EIF4G3: variants seen among roughly 807,000 people sequenced by gnomAD.
EIF4G3 encodes the protein eukaryotic translation initiation factor 4 gamma 3, also known as eIF-4-gamma 3.
A neutral mutation model predicts 186.4 loss-of-function variants in EIF4G3; 34 were observed. The observed-to-expected ratio is 0.18, with a 90% CI of 0.14 to 0.24. The LOEUF is 0.24. EIF4G3 is among the 10% of genes least tolerant of loss of function. The probability of loss-of-function intolerance (pLI) is 1.00; values close to 1 mark genes in which losing one functional copy is unlikely to be tolerated. For missense variants in EIF4G3, 1,536 were observed against 1,948.5 expected (o/e 0.79, Z 3.99); for synonymous variants, 673 against 679.5 (o/e 0.99, Z 0.15).
intron 4 of EIF4G3, among the ~76,000 whole-genome samples, chr1:21,048,704 G>A (rs2094033758): frequency 6.6e-6 from 1 of 152,054 alleles, no homozygotes; most frequent in South Asian, 2.1e-4. Context: ...CACCCTAGAG[G>A]GCAGAATTCT....
intron 14 of EIF4G3, among the ~76,000 whole-genome samples, chr1:20,915,576 A>G (rs2093772168): frequency 6.6e-6 from 1 of 152,244 alleles, no homozygotes; most frequent in Admixed American, 6.5e-5. Context: ...TTTAATATTC[A>G]AATGTCAAAT....
chr1:21,176,252 C>CGCT lies in EIF4G3; in HGVS notation c.-350_-349insAGC. ...CCGCTGCCGCCGCCGCCGCCGCCGC[C>CGCT]GCCGCCGCCGCCGCTGCTGCCGCCG... On this transcript the variant is annotated 5_prime_UTR_variant, in exon 2 of 37. Transcript: ENST00000602326. The CGCT allele has an allele frequency of 2.6e-6, 1 of 377,762 alleles. No homozygotes were observed. Among genetic ancestry groups the CGCT allele is most frequent in the East Asian group, 4.4e-5 (1 of 22,630 alleles). 23.4% of individuals were successfully genotyped at this position (377,762 alleles called of 1,614,324 possible). A position where few individuals can be genotyped will look rare whatever the true frequency, so the allele number is the denominator to read the frequency against.
chr1:20,925,872 T>C (rs2094848910), intron 14 of EIF4G3, among the ~76,000 whole-genome samples: 1 of 152,212 alleles, frequency 6.6e-6, no homozygotes, highest in African/African-American at 2.4e-5. Flanking sequence ...ATTAAGGTGA[T>C]TCCGAGGTTA....
intron 2 of EIF4G3, chr1:21,161,923 G>C (rs1016052604): frequency 6.7e-6 from 1 of 150,292 alleles, no homozygotes; most frequent in Non-Finnish European, 1.5e-5. Context: ...AGCCGAGATC[G>C]CACCATTGCA....
intron 2 of EIF4G3, among the ~76,000 whole-genome samples, chr1:21,173,565 G>GT (rs1437866122): frequency 1.3e-5 from 2 of 152,082 alleles, no homozygotes; most frequent in African/African-American, 4.8e-5. Context: ...GCACACGCCT[G>GT]TAATCCCAGC....
At chr1:20,890,703 G>A (rs909409653) in intron 18 of EIF4G3, among the ~76,000 whole-genome samples, 5 of 151,578 alleles carry the variant, frequency 3.3e-5, no homozygotes, top group Non-Finnish European at 7.4e-5. Flanking sequence ...CAATCCACCC[G>A]CTTTGGCCTC....
In EIF4G3 at chr1:21,044,523, C is replaced by G. The variant is rs561202283; in HGVS notation, c.-67+6343G>C. Among the ~76,000 whole-genome samples, 3 of 151,830 alleles carry G rather than the reference C, an allele frequency of 2.0e-5. No homozygotes were observed. In the South Asian group the frequency reaches 6.2e-4, roughly 32 times the overall value. ...AAGCAAATTTTCACAGCTTCCTCTA[C>G]TTTATCATGGTTAACAAGTGTGCAT... On this transcript the variant is annotated intron_variant, in intron 4 of 36. Coordinates refer to ENST00000602326, the MANE Select transcript of EIF4G3 (RefSeq NM_001391906.1).
intron 2 of EIF4G3, among the ~76,000 whole-genome samples, chr1:21,129,443 T>G (rs753372742): frequency 5.3e-5 from 8 of 152,156 alleles, no homozygotes; most frequent in Admixed American, 1.3e-4. Context: ...TGCAAGTTCT[T>G]CACTACAAAT....
intron 3 of EIF4G3, among the ~76,000 whole-genome samples, chr1:21,054,296 C>A (rs1217247477): frequency 6.9e-5 from 10 of 144,332 alleles, no homozygotes; most frequent in Admixed American, 2.1e-4. Flanking sequence ...GTCATCACCA[C>A]TCCCTAATCT....
intron 7 of EIF4G3, among the ~76,000 whole-genome samples, chr1:20,993,602 T>C (rs562893890): frequency 1.3e-5 from 2 of 152,216 alleles, no homozygotes; most frequent in African/African-American, 4.8e-5. Flanking sequence ...AAAAACATCA[T>C]CCAACAACAA....
chr1:20,916,769 C>A (rs1433582861), intron 14 of EIF4G3, among the ~76,000 whole-genome samples: 1 of 151,476 alleles, frequency 6.6e-6, no homozygotes, highest in African/African-American at 2.4e-5. Context: ...ACAACCGGAT[C>A]AATTGAAAAA....
intron 6 of EIF4G3, chr1:20,998,832 C>T (rs1370948952): frequency 2.4e-6 from 1 of 423,680 alleles, no homozygotes; most frequent in Non-Finnish European, 4.7e-6. Context: ...TAATGTAAAC[C>T]ATATACAGGG....
At chr1:21,080,317 A>G (rs998317577) in intron 3 of EIF4G3, among the ~76,000 whole-genome samples, 5 of 128,152 alleles carry the variant, frequency 3.9e-5, no homozygotes, top group Non-Finnish European at 9.0e-5. Context: ...CACTGTCTCA[A>G]CAAAAAAAAA....
Position 20,855,085 on chromosome 1 carries a change from G to C in EIF4G3, c.3340-14C>G, listed in dbSNP as rs2074481714. On this transcript the variant is annotated splice_polypyrimidine_tract_variant and intron_variant, in intron 25 of 36. Coordinates refer to ENST00000602326, the MANE Select transcript of EIF4G3 (RefSeq NM_001391906.1). ...ATCAATTGTAGGCTGTAACATAAGG[G>C]ACCACAAGTCAATTATAGGAAATAT... is the stretch of plus-strand genomic sequence containing the variant. 2 of 1,567,374 alleles carry C rather than the reference G, an allele frequency of 1.3e-6. No individual in the cohort carries two copies. The highest frequency in any genetic ancestry group is 1.4e-5 in the African/African-American group (1 of 73,458).
intron 14 of EIF4G3, among the ~76,000 whole-genome samples, chr1:20,915,406 C>A (rs1357530476): frequency 6.6e-6 from 1 of 151,816 alleles, no homozygotes; most frequent in East Asian, 1.9e-4. Flanking sequence ...ACATGACAAT[C>A]ACCAGAAAAC....
intron 10 of EIF4G3, among the ~76,000 whole-genome samples, 164 bp from the exon 11 acceptor site, chr1:20,973,263 G>A (rs1021618862): frequency 1.3e-5 from 2 of 152,224 alleles, no homozygotes; most frequent in African/African-American, 2.4e-5. Flanking sequence ...AGTTACTGAA[G>A]TGGTCAAGAA....
intron 2 of EIF4G3, among the ~76,000 whole-genome samples, chr1:21,132,329 T>C (rs1418635932): frequency 6.6e-6 from 1 of 152,154 alleles, no homozygotes. Flanking sequence ...TGGAGGAGCA[T>C]TTTGTTGCTT....
chr1:21,110,653 A>C (rs1459341415), intron 2 of EIF4G3, among the ~76,000 whole-genome samples: 2 of 151,640 alleles, frequency 1.3e-5, no homozygotes, highest in Non-Finnish European at 2.9e-5. Context: ...CTGGTCTCGA[A>C]CTCCTGACCT....
intron 12 of EIF4G3, among the ~76,000 whole-genome samples, chr1:20,961,504 G>A (rs1446748434): frequency 1.3e-5 from 2 of 152,010 alleles, no homozygotes; most frequent in Non-Finnish European, 2.9e-5. Context: ...TTTATGCTAG[G>A]AGCATTTGAA....
Sources: allele counts gnomAD v4.1 joint callset (sites outside exome capture counted in the v4.1 genomes callset), GRCh38; gene constraint gnomAD v4.1.1; transcripts MANE v1.5; gene names NCBI Gene and HGNC (gene_info 2026-07-23, HGNC 2026-07-21).